Variants in GABRG3 observed in about 807,000 individuals in gnomAD.
GABRG3 encodes gamma-aminobutyric acid type A receptor subunit gamma3.
Under a neutral mutation model 48.8 loss-of-function variants are expected in GABRG3, and 25 were observed. That is an observed-to-expected ratio of 0.51 (90% CI 0.37 to 0.72). The LOEUF is 0.72. Among genes scored for constraint, GABRG3 ranks in the 30% least tolerant of loss-of-function variants. The pLI, the probability that GABRG3 is intolerant of heterozygous loss-of-function variation, is 0.00. For synonymous variants in GABRG3, 227 were observed against 217.6 expected, an observed-to-expected ratio of 1.04 and a Z score of -0.38; for missense variants, 394 against 577.9, an observed-to-expected ratio of 0.68 and a Z score of 3.26.
At chr15:27,497,534 ATT>A (rs1890515884) in intron 6 of GABRG3, among the ~76,000 whole-genome samples, 1 of 152,180 alleles carries the variant, frequency 6.6e-6, no homozygotes, top group Non-Finnish European at 1.5e-5. Context: ...AATTTGCCTT[ATT>A]TTACTGAATG....
chr15:27,411,624 TG>T (rs1025710217), intron 5 of GABRG3, among the ~76,000 whole-genome samples: 2 of 152,172 alleles, frequency 1.3e-5, no homozygotes, highest in Non-Finnish European at 2.9e-5. Flanking sequence ...ACTGCTTTTA[TG>T]GGGGGGATTT....
At chr15:27,278,351 C>T (rs558189345) in intron 3 of GABRG3, among the ~76,000 whole-genome samples, 15 of 152,128 alleles carry the variant, frequency 9.9e-5, no homozygotes, top group African/African-American at 3.1e-4. Context: ...CGCCTGGCCT[C>T]GGTGCATTTT....
chr15:27,394,943 T>G (rs1286571220), intron 5 of GABRG3, among the ~76,000 whole-genome samples: 1 of 152,184 alleles, frequency 6.6e-6, no homozygotes, highest in Non-Finnish European at 1.5e-5. Context: ...TTCATTGAGT[T>G]TTTTATTTTA....
intron 5 of GABRG3, among the ~76,000 whole-genome samples, chr15:27,393,625 C>T (rs1423447795): frequency 1.3e-5 from 2 of 152,184 alleles, no homozygotes; most frequent in African/African-American, 4.8e-5. Context: ...CAGATAGAAT[C>T]CTGGCTTTCC....
In GABRG3 at chr15:27,516,110, GAA is replaced by G. The variant is rs59600619; in HGVS notation, c.713-3850_713-3849del. ...ATCTAGCAGCCGGTTAGCATTTTCA[GAA>G]AAAAAAAAAAACACCCCTACCAACT... On this transcript the variant is annotated intron_variant, in intron 6 of 9. Coordinates refer to ENST00000615808, the MANE Select transcript of GABRG3 (RefSeq NM_033223.5). Among the ~76,000 whole-genome samples the G allele has an allele frequency of 9.1e-3, 1,123 of 123,250 alleles. 12 individuals carry two copies. Among genetic ancestry groups the G allele is most frequent in the African/African-American group, 0.029 (1,008 of 35,198 alleles). The allele number at this position is 123,250 out of a possible 152,430, so 80.9% of individuals were successfully genotyped here.
At chr15:27,393,234 C>G (rs912915508) in intron 5 of GABRG3, among the ~76,000 whole-genome samples, 3 of 151,642 alleles carry the variant, frequency 2.0e-5, no homozygotes, top group African/African-American at 7.3e-5. Context: ...GTCCCAGCTA[C>G]TTGGGAGGCT....
At chr15:27,335,833 T>G (rs1431710422) in intron 5 of GABRG3, among the ~76,000 whole-genome samples, 1 of 152,174 alleles carries the variant, frequency 6.6e-6, no homozygotes, top group African/African-American at 2.4e-5. Context: ...TATGGATTTT[T>G]AAATCACATT....
At chr15:27,469,927 A>G (rs1889733796) in intron 5 of GABRG3, among the ~76,000 whole-genome samples, 2 of 152,198 alleles carry the variant, frequency 1.3e-5, no homozygotes, top group South Asian at 2.1e-4. Context: ...CCTTGACGAC[A>G]TAAGACAGAC....
chr15:27,415,021 G>C (rs1887900653), intron 5 of GABRG3, among the ~76,000 whole-genome samples: 1 of 151,902 alleles, frequency 6.6e-6, no homozygotes, highest in Non-Finnish European at 1.5e-5. Context: ...CTGGATCTGT[G>C]GTTTCGTATC....
At chr15:27,225,893 G>A (rs530905319) in intron 3 of GABRG3, among the ~76,000 whole-genome samples, 3 of 152,288 alleles carry the variant, frequency 2.0e-5, no homozygotes, top group Non-Finnish European at 4.4e-5. Context: ...TTCCAGGGGA[G>A]GAGGAGGAGC....
intron 5 of GABRG3, among the ~76,000 whole-genome samples, chr15:27,330,681 T>A (rs1893773965): frequency 2.0e-5 from 3 of 152,226 alleles, no homozygotes. Flanking sequence ...AGAAATAAAA[T>A]AATTTAAATT....
At chr15:27,041,721 T>A (rs1896279752) in intron 3 of GABRG3, among the ~76,000 whole-genome samples, 1 of 152,270 alleles carries the variant, frequency 6.6e-6, no homozygotes, top group Non-Finnish European at 1.5e-5. Flanking sequence ...TGTCTTTGAC[T>A]TTCTGCATGT....
intron 3 of GABRG3, among the ~76,000 whole-genome samples, chr15:27,307,305 A>AACCATAGGTTTATATATGTTTATATATG: frequency 7.0e-6 from 1 of 142,756 alleles, no homozygotes; most frequent in South Asian, 2.3e-4. Flanking sequence ...GTTTATATAT[A>AACCATAGGTTTATATATGTTTATATATG]ACCATAGGTT....
intron 2 of GABRG3, among the ~76,000 whole-genome samples, chr15:27,020,325 C>A (rs1300409266): frequency 6.6e-6 from 1 of 152,192 alleles, no homozygotes; most frequent in Non-Finnish European, 1.5e-5. Flanking sequence ...CTGTAAACAC[C>A]TCGACCTCTT....
intron 6 of GABRG3, among the ~76,000 whole-genome samples, chr15:27,516,287 A>T (rs530868033): frequency 1.4e-4 from 21 of 152,362 alleles, no homozygotes; most frequent in African/African-American, 5.0e-4. Flanking sequence ...AGTGTGAATA[A>T]AGAATAATTT....
intron 6 of GABRG3, among the ~76,000 whole-genome samples, chr15:27,491,359 G>T (rs902046641): frequency 2.0e-5 from 3 of 152,188 alleles, no homozygotes; most frequent in African/African-American, 7.2e-5. Context: ...CTCCAGCCAA[G>T]CACCTCCCAG....
At chr15:27,135,294 A>G (rs539560153) in intron 3 of GABRG3, among the ~76,000 whole-genome samples, 1 of 152,346 alleles carries the variant, frequency 6.6e-6, no homozygotes, top group South Asian at 2.1e-4. Context: ...ACTCATTAAT[A>G]GCTTTGAGAA....
intron 3 of GABRG3, among the ~76,000 whole-genome samples, chr15:27,105,102 T>C (rs1897427598): frequency 6.6e-6 from 1 of 152,152 alleles, no homozygotes; most frequent in Non-Finnish European, 1.5e-5. Context: ...ACCATGTAAA[T>C]ATTAATTAAA....
intron 6 of GABRG3, among the ~76,000 whole-genome samples, chr15:27,498,781 C>G (rs1265361095): frequency 6.6e-6 from 1 of 152,056 alleles, no homozygotes; most frequent in Non-Finnish European, 1.5e-5. Context: ...GCTGAGATTA[C>G]AGGTGTGAGC....
Sources: gnomAD v4.1 joint callset for allele counts (sites outside exome capture counted in the v4.1 genomes callset) on GRCh38, gnomAD v4.1.1 for gene constraint, MANE v1.5 for transcripts, NCBI Gene and HGNC (gene_info 2026-07-23, HGNC 2026-07-21) for gene names.